NPAS4: variants seen among roughly 807,000 people sequenced by gnomAD.
NPAS4 encodes the protein neuronal PAS domain-containing protein 4.
Under a neutral mutation model 64.0 loss-of-function variants are expected in NPAS4, and 10 were observed. That is an observed-to-expected ratio of 0.16 (90% CI 0.10 to 0.26). The LOEUF (loss-of-function observed/expected upper bound fraction) is 0.26, where lower values mean the gene tolerates loss of function less well. NPAS4 is among the 10% of genes least tolerant of loss of function. NPAS4 has a pLI of 1.00. For missense variants in NPAS4, 886 were observed against 992.6 expected, an observed-to-expected ratio of 0.89 and a Z score of 1.44; for synonymous variants, 441 against 411.7, an observed-to-expected ratio of 1.07 and a Z score of -0.86.
Position 66,425,254 on chromosome 11 carries a change from A to G in NPAS4, c.2364A>G (p.Gln788=). 3 of 1,506,174 alleles carry G rather than the reference A, an allele frequency of 2.0e-6. No individual in the cohort carries two copies. Among genetic ancestry groups the G allele is most frequent in the Non-Finnish European group, 2.7e-6 (3 of 1,128,910 alleles). The allele number at this position is 1,506,174 out of a possible 1,614,324, so 93.3% of individuals were successfully genotyped here. ...DELHQLQSQV[Q]DSFHEDGSGG... ...TGCATCAACTCCAGAGCCAAGTTCA[A>G]GACAGCTTCCATGAAGGTGAGTCAG... The change falls in exon 7 of 8, where the codon CAA becomes CAG. Residue 788 remains glutamine, a synonymous_variant. Coordinates refer to ENST00000311034, the MANE Select transcript of NPAS4 (RefSeq NM_178864.4).
upstream of NPAS4, among the ~76,000 whole-genome samples, chr11:66,420,831 C>T (rs1312566259): frequency 1.3e-5 from 2 of 152,200 alleles, no homozygotes; most frequent in Admixed American, 6.5e-5. Flanking sequence ...CTCCTGCTCC[C>T]CCCTCGCCCG....
chr11:66,421,828 G>A (rs934326059), intron 1 of NPAS4, among the ~76,000 whole-genome samples: 4 of 152,212 alleles, frequency 2.6e-5, no homozygotes, highest in Non-Finnish European at 5.9e-5. Flanking sequence ...GTCGGCTTCG[G>A]AGCTCTGTCC....
upstream of NPAS4, among the ~76,000 whole-genome samples, chr11:66,418,640 A>C (rs984807664): frequency 6.6e-6 from 1 of 151,798 alleles, no homozygotes; most frequent in Non-Finnish European, 1.5e-5. Flanking sequence ...GTTTCTTCCC[A>C]TTCCATTCTC....
upstream of NPAS4, among the ~76,000 whole-genome samples, chr11:66,417,416 C>G (rs932240963): frequency 6.6e-6 from 1 of 152,092 alleles, no homozygotes; most frequent in Non-Finnish European, 1.5e-5. Context: ...CCACTTACTC[C>G]TGCAGGCCAG....
chr11:66,423,489 A>G lies in NPAS4; in HGVS notation c.809-89A>G, dbSNP rs1856785767. On this transcript the variant is annotated intron_variant, in intron 5 of 7. Transcript: ENST00000311034. ...AGTCAGAAGAGAGGATGTCACGGCT[A>G]TCTCAATTCAGTGGAGAGGTGACCA... 2.7e-6 allele frequency: 4 copies of G among 1,486,268 alleles called. 1 individual carries two copies. The South Asian group carries it at 3.6e-5, about 13-fold the overall frequency. The allele number at this position is 1,486,268 out of a possible 1,614,324, so 92.1% of individuals were successfully genotyped here.
At chr11:66,411,359 A>G in the NPAS4 span, among the ~76,000 whole-genome samples, 13 of 152,224 alleles carry the variant, frequency 8.5e-5, no homozygotes, top group Admixed American at 8.5e-4. Context: ...ACTGAGGCCC[A>G]GGGAGGGAGA....
chr11:66,411,127 C>T, the NPAS4 span, among the ~76,000 whole-genome samples: 1 of 152,334 alleles, frequency 6.6e-6, no homozygotes, highest in Admixed American at 6.5e-5. Flanking sequence ...GGGCTGAGAA[C>T]GTGGTCCTCT....
chr11:66,421,091 G>C lies in NPAS4; in HGVS notation c.-89G>C, dbSNP rs1482171836. 4.3e-6 allele frequency: 5 copies of C among 1,149,934 alleles called. No homozygotes were observed. The highest frequency in any genetic ancestry group is 6.2e-6 in the Non-Finnish European group (5 of 808,184). The allele number at this position is 1,149,934 out of a possible 1,614,324, so 71.2% of individuals were successfully genotyped here. A position where few individuals can be genotyped will look rare whatever the true frequency, so the allele number is the denominator to read the frequency against. The stretch of plus-strand genomic sequence containing the variant: ...CAGAGAGCGAGCCTGAGCGAGAGAC[G>C]GGGAAGCACGGAGGAGGAAGCCGCC... On this transcript the variant is annotated 5_prime_UTR_variant, in exon 1 of 8. Transcript: ENST00000311034.
the NPAS4 span, among the ~76,000 whole-genome samples, chr11:66,414,630 G>C: frequency 6.6e-6 from 1 of 152,218 alleles, no homozygotes. Context: ...TCATGTGCAA[G>C]TAGAATTGAG....
At chr11:66,417,693 C>G (rs1856686694), upstream of NPAS4, among the ~76,000 whole-genome samples, 1 of 151,962 alleles carries the variant, frequency 6.6e-6, no homozygotes, top group African/African-American at 2.4e-5. Context: ...CTGAAAGACC[C>G]AGAGCAGACT....
upstream of NPAS4, among the ~76,000 whole-genome samples, chr11:66,420,551 G>A (rs1856725306): frequency 6.6e-6 from 1 of 152,246 alleles, no homozygotes; most frequent in African/African-American, 2.4e-5. Flanking sequence ...ATGTGAACGT[G>A]ACCTTGTCTG....
At chr11:66,419,633 C>G (rs927714504), upstream of NPAS4, among the ~76,000 whole-genome samples, 1 of 148,092 alleles carries the variant, frequency 6.8e-6, no homozygotes, top group African/African-American at 2.5e-5. Flanking sequence ...AGGATAAGAA[C>G]GGCACATCCT....
rs147569362 is a variant in NPAS4, at chr11:66,424,104, C to T, written c.1214C>T (p.Pro405Leu). 10 of 1,613,950 alleles carry T rather than the reference C, an allele frequency of 6.2e-6. No individual in the cohort carries two copies. The Admixed American group carries it at 8.3e-5, about 13-fold the overall frequency. ...KELDFSYLTF[P>L]SGPEPSLQAE... is the part of the protein sequence containing the mutation. ...CTGGACTTCAGTTACCTGACATTCC[C>T]TTCTGGGCCTGAGCCTTCTCTCCAA... The change falls in exon 7 of 8, where the codon CCT becomes CTT. Residue 405 changes from proline (P) to leucine (L), a missense_variant. Around this residue, in one of 3 missense-constraint regions of NPAS4, gnomAD observed 820 missense variants for 855.5 expected, o/e 0.96. Transcript: ENST00000311034.
In NPAS4 at chr11:66,425,941, C is replaced by T; in HGVS notation, c.2381-20C>T. 1 of 1,598,294 alleles carries T rather than the reference C, an allele frequency of 6.3e-7. No homozygotes were observed. The highest frequency in any genetic ancestry group is 1.1e-5 in the South Asian group (1 of 90,778). ...TAATTGGTCTAACTGATTGTGTTCTCTCTATCTATCTCTCTGCAGATGGAA... is the reference window on the plus strand; with the variant it reads ...TAATTGGTCTAACTGATTGTGTTCTTTCTATCTATCTCTCTGCAGATGGAA... On this transcript the variant is annotated intron_variant, in intron 7 of 7. Transcript: ENST00000311034.
chr11:66,412,669 T>C, the NPAS4 span, among the ~76,000 whole-genome samples: 2 of 152,254 alleles, frequency 1.3e-5, no homozygotes, highest in African/African-American at 4.8e-5. Flanking sequence ...CTAACATCAG[T>C]CCCTTGATAG....
chr11:66,423,760 A>T, intron 6 of NPAS4, 47 bp downstream of exon 6: 1 of 1,611,738 alleles, frequency 6.2e-7, no homozygotes, highest in Non-Finnish European at 8.5e-7. Flanking sequence ...GTCGTCATGG[A>T]GGAGACACAA....
At position 66,422,214 on chromosome 11, in the gene NPAS4, C is replaced by T. The variant is rs748640840; in HGVS notation, c.270C>T (p.Ala90=). Reference sequence around the variant, plus strand: ...CCGGCTTTCTGCTTGTGTTCACAGCCGAGGGGAAATTGCTCTACCTGTCTG... The same window carrying T: ...CCGGCTTTCTGCTTGTGTTCACAGCTGAGGGGAAATTGCTCTACCTGTCTG... ...ALPGFLLVFT[A]EGKLLYLSES... Residue 90 remains alanine (A), a synonymous_variant, in exon 2 of 8, where the codon GCC becomes GCT. Transcript: ENST00000311034. The T allele has an allele frequency of 9.9e-6, 16 of 1,613,996 alleles. No homozygotes were observed. Among genetic ancestry groups the T allele is most frequent in the South Asian group, 5.5e-5 (5 of 91,064 alleles).
rs1565242032 is a variant in NPAS4, at chr11:66,424,713, G to A, written c.1823G>A (p.Gly608Asp). The change falls in exon 7 of 8, where the codon GGC becomes GAC. Residue 608 changes from glycine to aspartate, a missense_variant. Physicochemically the swap from Gly to Asp is moderately conservative, Grantham distance 94 (BLOSUM62 -1). Transcript: ENST00000311034. The stretch of plus-strand genomic sequence containing the variant: ...GTGGATGTCCCCCTGGTGCCCGAAG[G>A]CCTGCTCACACCTGAGGCCTCTCCA... Reference protein sequence around the residue: ...LSVDVPLVPEGLLTPEASPVK... With the variant: ...LSVDVPLVPEDLLTPEASPVK... 2.5e-6 allele frequency: 4 copies of A among 1,613,222 alleles called. No individual in the cohort carries two copies. The highest frequency in any genetic ancestry group is 3.4e-6 in the Non-Finnish European group (4 of 1,179,586).
Position 66,423,896 on chromosome 11 carries a change from G to A in NPAS4, c.1006G>A (p.Val336Ile). The part of the protein sequence containing the change: ...LNSEDTQAAY[V>I]LGTPTMLPSF... Reference sequence around the variant, plus strand: ...CTCTGAAGACACCCAGGCAGCTTATGTCCTGGGCACTCCGACCATGCTGCC... The same window carrying A: ...CTCTGAAGACACCCAGGCAGCTTATATCCTGGGCACTCCGACCATGCTGCC... Residue 336 changes from valine to isoleucine, a missense_variant, in exon 7 of 8, where the codon GTC (valine) becomes ATC (isoleucine). Transcript: ENST00000311034. The A allele has an allele frequency of 6.2e-7, 1 of 1,613,988 alleles. No individual in the cohort carries two copies.
Sources: allele counts gnomAD v4.1 joint callset (sites outside exome capture counted in the v4.1 genomes callset), GRCh38; gene constraint gnomAD v4.1.1; regional missense constraint gnomAD v4.1.1; transcripts MANE v1.5; gene names NCBI Gene and HGNC (gene_info 2026-07-23, HGNC 2026-07-21).